ATRN: variants seen among roughly 807,000 people sequenced by gnomAD.
ATRN encodes attractin.
ATRN carries 54 observed loss-of-function variants against 178.7 expected under a neutral mutation model. That is an observed-to-expected ratio of 0.30 (90% CI 0.24 to 0.38). The LOEUF (loss-of-function observed/expected upper bound fraction) is 0.38. ATRN is among the 10% of genes least tolerant of loss of function. ATRN has a pLI of 1.00. For synonymous variants in ATRN, 636 were observed against 663.0 expected (o/e 0.96, Z 0.63); for missense variants, 1,443 against 1,815.1 (o/e 0.79, Z 3.73).
intron 1 of ATRN, among the ~76,000 whole-genome samples, chr20:3,480,094 G>A (rs2146066346): frequency 6.6e-6 from 1 of 152,290 alleles, no homozygotes; most frequent in East Asian, 1.9e-4. Flanking sequence ...GGGGTGTAAT[G>A]GAAGGAAGGG....
At chr20:3,488,003 C>T (rs1480353925) in intron 1 of ATRN, among the ~76,000 whole-genome samples, 3 of 152,126 alleles carry the variant, frequency 2.0e-5, no homozygotes, top group Non-Finnish European at 4.4e-5. Flanking sequence ...GCATTTAGAT[C>T]CAGATTATTT....
chr20:3,475,513 T>C (rs1236012751), intron 1 of ATRN, among the ~76,000 whole-genome samples: 1 of 152,246 alleles, frequency 6.6e-6, no homozygotes, highest in Non-Finnish European at 1.5e-5. Flanking sequence ...TAAAAATACC[T>C]ATAGAATCTT....
chr20:3,608,446 C>T (rs2086708814), intron 24 of ATRN, among the ~76,000 whole-genome samples: 1 of 152,148 alleles, frequency 6.6e-6, no homozygotes, highest in South Asian at 2.1e-4. Context: ...TTTCCCAGCA[C>T]CATTTATTGA....
intron 1 of ATRN, among the ~76,000 whole-genome samples, chr20:3,505,514 A>G (rs2085030948): frequency 6.6e-6 from 1 of 152,136 alleles, no homozygotes; most frequent in African/African-American, 2.4e-5. Context: ...CATATACCCA[A>G]TTTGTTCTGT....
chr20:3,605,487 A>G (rs1202389643), intron 24 of ATRN, among the ~76,000 whole-genome samples: 1 of 152,248 alleles, frequency 6.6e-6, no homozygotes, highest in Non-Finnish European at 1.5e-5. Context: ...TCACAGTAGC[A>G]AAGACATAGA....
chr20:3,646,650 G>A, intron 28 of ATRN, 73 bp from the exon 29 acceptor site: 1 of 1,471,374 alleles, frequency 6.8e-7, no homozygotes, highest in Non-Finnish European at 9.0e-7. Flanking sequence ...AAAAATAAAT[G>A]TTTAAATTAT....
intron 1 of ATRN, among the ~76,000 whole-genome samples, chr20:3,531,366 T>G (rs1479298691): frequency 2.6e-5 from 4 of 152,314 alleles, no homozygotes; most frequent in Non-Finnish European, 5.9e-5. Flanking sequence ...AAATTCATAT[T>G]CCTTTTGGCC....
intron 1 of ATRN, among the ~76,000 whole-genome samples, chr20:3,471,733 G>C (rs1487581434): frequency 6.6e-6 from 1 of 152,212 alleles, no homozygotes; most frequent in Non-Finnish European, 1.5e-5. Flanking sequence ...GGCAAGGGTG[G>C]GGGCACCCCG....
At chr20:3,603,795 C>T (rs1410492013) in intron 23 of ATRN, among the ~76,000 whole-genome samples, 1 of 152,048 alleles carries the variant, frequency 6.6e-6, no homozygotes, top group African/African-American at 2.4e-5. Flanking sequence ...GCCAGTAAAA[C>T]CATTTTGGTT....
At chr20:3,471,747 G>A (rs1306781414) in intron 1 of ATRN, among the ~76,000 whole-genome samples, 6 of 152,240 alleles carry the variant, frequency 3.9e-5, no homozygotes, top group African/African-American at 1.2e-4. Flanking sequence ...CACCCCGACG[G>A]TATTTGGGTG....
chr20:3,569,948 G>A (rs912487377), intron 11 of ATRN, among the ~76,000 whole-genome samples: 4 of 151,880 alleles, frequency 2.6e-5, no homozygotes, highest in Non-Finnish European at 5.9e-5. Context: ...GTGCGTGCCT[G>A]TTGTCCCAAC....
At chr20:3,492,854 GGCGC>G (rs144765964) in intron 1 of ATRN, among the ~76,000 whole-genome samples, 1 of 132,434 alleles carries the variant, frequency 7.6e-6, no homozygotes. Flanking sequence ...GAGAGAGAGA[GGCGC>G]GCGCGCGCGT....
chr20:3,576,687 G>A (rs879202756), intron 13 of ATRN, among the ~76,000 whole-genome samples, 172 bp from the exon 14 acceptor site: 7 of 87,806 alleles, frequency 8.0e-5, no homozygotes, highest in African/African-American at 2.8e-4. Flanking sequence ...CTATCTGTCT[G>A]TCTGTCTGTC....
chr20:3,578,877 G>C, intron 15 of ATRN, 105 bp downstream of exon 15: 1 of 1,078,168 alleles, frequency 9.3e-7, no homozygotes, highest in South Asian at 1.8e-5. Flanking sequence ...TGACGTGCTT[G>C]GCAAGAAGGG....
intron 15 of ATRN, among the ~76,000 whole-genome samples, chr20:3,579,021 T>G (rs1456224155): frequency 2.6e-5 from 4 of 152,206 alleles, no homozygotes; most frequent in Non-Finnish European, 5.9e-5. Flanking sequence ...CATGTATATG[T>G]GTACATAATC....
Position 3,471,532 on chromosome 20 carries a change from G to T in ATRN, c.410+15G>T. Reference sequence around the variant, plus strand: ...GGCCGCTTCAGGTGAGTGGCGGGTGGTGTCGGAGGGTCGGGTCCAACCAGA... The same window carrying T: ...GGCCGCTTCAGGTGAGTGGCGGGTGTTGTCGGAGGGTCGGGTCCAACCAGA... On this transcript the variant is annotated intron_variant, in intron 1 of 28. Coordinates refer to ENST00000262919, the MANE Select transcript of ATRN (RefSeq NM_139321.3). The T allele has an allele frequency of 7.2e-7, 1 of 1,381,122 alleles. No homozygotes were observed. Among genetic ancestry groups the T allele is most frequent in the Non-Finnish European group, 9.3e-7 (1 of 1,074,874 alleles). 85.6% of individuals were successfully genotyped at this position (1,381,122 alleles called of 1,614,324 possible). A position where few individuals can be genotyped will look rare whatever the true frequency, so the allele number is the denominator to read the frequency against.
At chr20:3,477,950 G>GA (rs1206474250) in intron 1 of ATRN, among the ~76,000 whole-genome samples, 2 of 151,926 alleles carry the variant, frequency 1.3e-5, no homozygotes, top group East Asian at 3.9e-4. Context: ...TATCCTCATT[G>GA]AAAAAAATAG....
At chr20:3,623,102 A>C (rs1448838416) in intron 24 of ATRN, among the ~76,000 whole-genome samples, 1 of 152,214 alleles carries the variant, frequency 6.6e-6, no homozygotes, top group Non-Finnish European at 1.5e-5. Context: ...GGTGGACTCT[A>C]ATCTGTTTCC....
chr20:3,500,599 CA>C (rs2084947897), intron 1 of ATRN, among the ~76,000 whole-genome samples: 1 of 149,066 alleles, frequency 6.7e-6, no homozygotes, highest in Non-Finnish European at 1.5e-5. Context: ...AAAAACCAAA[CA>C]CTGCATATTC....
Sources: gnomAD v4.1 joint callset for allele counts (sites outside exome capture counted in the v4.1 genomes callset) on GRCh38, gnomAD v4.1.1 for gene constraint, MANE v1.5 for transcripts, NCBI Gene and HGNC (gene_info 2026-07-23, HGNC 2026-07-21) for gene names.